Variants in MICU1 observed in about 807,000 individuals in gnomAD.
The protein encoded by MICU1 is mitochondrial calcium uptake 1, also known as calcium uptake protein 1, mitochondrial.
A neutral mutation model predicts 56.8 loss-of-function variants in MICU1; 45 were observed. The ratio of observed to expected loss-of-function variants is 0.79; its 90% CI spans 0.62 to 1.02. MICU1 has a LOEUF of 1.02. Ranked by LOEUF, MICU1 falls within the 50% of genes least tolerant of loss-of-function variation. MICU1 has a pLI of 0.00. For synonymous variants in MICU1, 186 were observed against 195.1 expected, an observed-to-expected ratio of 0.95 and a Z score of 0.39; for missense variants, 504 against 587.1, an observed-to-expected ratio of 0.86 and a Z score of 1.46.
At chr10:72,443,121 G>A (rs1864993157) in intron 8 of MICU1, among the ~76,000 whole-genome samples, 1 of 152,194 alleles carries the variant, frequency 6.6e-6, no homozygotes, top group Non-Finnish European at 1.5e-5. Flanking sequence ...CTGATGGGCA[G>A]TGATGGTGAG....
intron 4 of MICU1, among the ~76,000 whole-genome samples, chr10:72,535,013 T>TTTTA (rs200491666): frequency 0.034 from 3,213 of 95,840 alleles, 281 homozygotes; most frequent in African/African-American, 0.11. Context: ...ATTTTTTATT[T>TTTTA]TATTTTATTT....
Position 72,542,467 on chromosome 10 carries a change from G to A in MICU1, c.494-8678C>T, listed in dbSNP as rs547058008. ...TTGCTTAGCCTGCCCCTGTCTACCT[G>A]TTGCGGGAGGGAGTGTGCAAGCAAA... On this transcript the variant is annotated intron_variant, in intron 4 of 11. Coordinates refer to ENST00000361114, the MANE Select transcript of MICU1 (RefSeq NM_001195518.2). Among the ~76,000 whole-genome samples, 5 of 152,304 alleles carry A rather than the reference G, an allele frequency of 3.3e-5. No homozygotes were observed. The East Asian group carries it at 7.7e-4, about 24-fold the overall frequency.
intron 3 of MICU1, among the ~76,000 whole-genome samples, chr10:72,555,776 G>A (rs944677368): frequency 6.6e-6 from 1 of 152,162 alleles, no homozygotes; most frequent in Non-Finnish European, 1.5e-5. Flanking sequence ...CACCACCACA[G>A]GCCTCTGTTT....
At chr10:72,408,095 T>C (rs1863688079) in intron 9 of MICU1, 58 bp from the exon 10 acceptor site, 3 of 1,049,588 alleles carry the variant, frequency 2.9e-6, no homozygotes, top group Non-Finnish European at 4.4e-6. Flanking sequence ...CAGCACGATA[T>C]GCATAGGCAG....
intron 8 of MICU1, among the ~76,000 whole-genome samples, chr10:72,454,678 G>A (rs1003699709): frequency 7.9e-5 from 12 of 151,084 alleles, no homozygotes; most frequent in Non-Finnish European, 1.5e-4. Flanking sequence ...AGCTATCCAG[G>A]AGGGTGAGGC....
intron 10 of MICU1, among the ~76,000 whole-genome samples, chr10:72,389,779 T>A (rs375680203): frequency 6.6e-6 from 1 of 152,240 alleles, no homozygotes; most frequent in African/African-American, 2.4e-5. Flanking sequence ...CTGAGTTATA[T>A]GGGCTGAAGC....
chr10:72,382,036 G>C (rs1160231976), intron 10 of MICU1, among the ~76,000 whole-genome samples: 1 of 150,676 alleles, frequency 6.6e-6, no homozygotes, highest in Non-Finnish European at 1.5e-5. Flanking sequence ...AGAAGAGACA[G>C]ATATCAGATA....
At chr10:72,599,452 C>G (rs1298575508) in intron 1 of MICU1, among the ~76,000 whole-genome samples, 2 of 152,180 alleles carry the variant, frequency 1.3e-5, no homozygotes, top group African/African-American at 2.4e-5. Flanking sequence ...CCACCTGGAA[C>G]ATGAATCATC....
At chr10:72,454,639 C>T (rs1301941605) in intron 8 of MICU1, among the ~76,000 whole-genome samples, 1 of 151,458 alleles carries the variant, frequency 6.6e-6, no homozygotes, top group Non-Finnish European at 1.5e-5. Flanking sequence ...AAAAATTAGC[C>T]AGGCGTGGTG....
At chr10:72,388,435 C>T (rs1466039510) in intron 10 of MICU1, among the ~76,000 whole-genome samples, 5 of 152,128 alleles carry the variant, frequency 3.3e-5, no homozygotes, top group African/African-American at 1.2e-4. Flanking sequence ...AGGTAAAGAT[C>T]ACAGATGTGT....
intron 4 of MICU1, among the ~76,000 whole-genome samples, chr10:72,542,472 G>A (rs927425280): frequency 1.3e-5 from 2 of 152,146 alleles, no homozygotes; most frequent in African/African-American, 2.4e-5. Context: ...TACCTGTTGC[G>A]GGAGGGAGTG....
At chr10:72,415,964 G>C (rs1182570228) in intron 9 of MICU1, among the ~76,000 whole-genome samples, 1 of 152,082 alleles carries the variant, frequency 6.6e-6, no homozygotes, top group African/African-American at 2.4e-5. Context: ...ATTCTACCTA[G>C]TATCTACCAA....
At chr10:72,487,880 G>T (rs1263682263) in intron 6 of MICU1, among the ~76,000 whole-genome samples, 2 of 151,858 alleles carry the variant, frequency 1.3e-5, no homozygotes, top group African/African-American at 4.8e-5. Flanking sequence ...ATCTGTAAAG[G>T]GCATCTATTT....
At chr10:72,595,460 A>G in intron 1 of MICU1, among the ~76,000 whole-genome samples, 1 of 94,704 alleles carries the variant, frequency 1.1e-5, no homozygotes, top group East Asian at 2.0e-4. Flanking sequence ...AAAAAAAAAA[A>G]AAAAGAAAAA....
At chr10:72,439,303 A>G (rs1387231494) in intron 8 of MICU1, among the ~76,000 whole-genome samples, 1 of 152,216 alleles carries the variant, frequency 6.6e-6, no homozygotes, top group East Asian at 1.9e-4. Flanking sequence ...CAAAAACCAC[A>G]TGATTATCTC....
chr10:72,585,712 T>C (rs928474403), intron 1 of MICU1, among the ~76,000 whole-genome samples: 2 of 151,924 alleles, frequency 1.3e-5, no homozygotes, highest in Non-Finnish European at 2.9e-5. Flanking sequence ...ATTCTTACTA[T>C]AGGGTTAATC....
rs1374017955 is a variant in MICU1, at chr10:72,368,021, C to T, written c.*174G>A. ...ATACTCATTGGGCAGAATCAGAGCC[C>T]AGCAGAACACGGGGACGGGGAAGGG... On this transcript the variant is annotated 3_prime_UTR_variant, in exon 12 of 12. Coordinates refer to ENST00000361114, the MANE Select transcript of MICU1 (RefSeq NM_001195518.2). 3.2e-6 allele frequency: 2 copies of T among 628,398 alleles called. No individual in the cohort carries two copies. Among genetic ancestry groups the T allele is most frequent in the Non-Finnish European group, 5.4e-6 (2 of 370,778 alleles). 38.9% of individuals were successfully genotyped at this position (628,398 alleles called of 1,614,324 possible).
chr10:72,623,300 C>CAAAAAAAAAAAA (rs1164753291), intron 1 of MICU1, among the ~76,000 whole-genome samples: 6 of 55,894 alleles, frequency 1.1e-4, no homozygotes, highest in African/African-American at 3.2e-4. Context: ...GACTCCGTCT[C>CAAAAAAAAAAAA]AAAAAAAAAA....
chr10:72,445,879 G>A (rs1865089200), intron 8 of MICU1, among the ~76,000 whole-genome samples: 1 of 152,078 alleles, frequency 6.6e-6, no homozygotes, highest in South Asian at 2.1e-4. Flanking sequence ...CCATATAAAA[G>A]CCCCAGTTTT....
Sources: gnomAD v4.1 joint callset for allele counts (sites outside exome capture counted in the v4.1 genomes callset) on GRCh38, gnomAD v4.1.1 for gene constraint, MANE v1.5 for transcripts, NCBI Gene and HGNC (gene_info 2026-07-23, HGNC 2026-07-21) for gene names.